RAVER2: variants seen among roughly 807,000 people sequenced by gnomAD.
RAVER2 encodes ribonucleoprotein, PTB binding 2.
In RAVER2, 46 loss-of-function variants were observed where a neutral mutation model predicts 78.1. That is an observed-to-expected ratio of 0.59 (90% CI 0.46 to 0.75). RAVER2 has a LOEUF of 0.75. RAVER2 is among the 30% of genes least tolerant of loss of function. The pLI is 0.00. For synonymous variants in RAVER2, 311 were observed against 313.3 expected (o/e 0.99, Z 0.08); for missense variants, 793 against 837.5 (o/e 0.95, Z 0.66).
At chr1:64,798,374 C>T (rs1415517013) in intron 5 of RAVER2, among the ~76,000 whole-genome samples, 1 of 142,774 alleles carries the variant, frequency 7.0e-6, no homozygotes, top group Non-Finnish European at 1.5e-5. Context: ...AATAATGCCG[C>T]AATAAACATA....
At chr1:64,764,962 TAA>T (rs756684871) in intron 1 of RAVER2, among the ~76,000 whole-genome samples, 39 of 152,240 alleles carry the variant, frequency 2.6e-4, no homozygotes, top group Non-Finnish European at 4.6e-4. Flanking sequence ...AGTGTTTGAT[TAA>T]ATAACTGGAC....
intron 9 of RAVER2, among the ~76,000 whole-genome samples, chr1:64,810,110 G>C (rs1653563297): frequency 6.6e-6 from 1 of 152,114 alleles, no homozygotes; most frequent in Non-Finnish European, 1.5e-5. Context: ...GGAATTGCTG[G>C]ATCATACCAT....
chr1:64,750,190 CATA>C (rs1651658376), intron 1 of RAVER2, among the ~76,000 whole-genome samples: 1 of 152,094 alleles, frequency 6.6e-6, no homozygotes, highest in African/African-American at 2.4e-5. Context: ...CATTTGAAAC[CATA>C]ATATTACCAA....
At chr1:64,759,341 TC>T (rs1651947825) in intron 1 of RAVER2, among the ~76,000 whole-genome samples, 1 of 151,408 alleles carries the variant, frequency 6.6e-6, no homozygotes, top group South Asian at 2.1e-4. Flanking sequence ...TGCCTCAGCC[TC>T]TGGAGTAGCT....
intron 2 of RAVER2, among the ~76,000 whole-genome samples, chr1:64,775,365 T>C (rs1652431985): frequency 6.6e-6 from 1 of 152,186 alleles, no homozygotes; most frequent in South Asian, 2.1e-4. Flanking sequence ...TGTAACTCTT[T>C]GTTAAATGTC....
intron 11 of RAVER2, among the ~76,000 whole-genome samples, chr1:64,826,834 T>C (rs1654014243): frequency 6.6e-6 from 1 of 152,100 alleles, no homozygotes; most frequent in Non-Finnish European, 1.5e-5. Context: ...GTGGCTGGAC[T>C]GGAGACATTT....
chr1:64,809,115 C>T (rs2100880939), intron 9 of RAVER2, among the ~76,000 whole-genome samples: 1 of 152,230 alleles, frequency 6.6e-6, no homozygotes, highest in East Asian at 1.9e-4. Context: ...GTGTGTACCT[C>T]CAGTGGGCAG....
At chr1:64,817,276 T>A (rs933783042) in intron 11 of RAVER2, among the ~76,000 whole-genome samples, 2 of 152,108 alleles carry the variant, frequency 1.3e-5, no homozygotes, top group Non-Finnish European at 2.9e-5. Context: ...GAGGATGTGG[T>A]GAAATAGGAA....
intron 8 of RAVER2, among the ~76,000 whole-genome samples, chr1:64,806,944 G>C (rs1653432239): frequency 6.6e-6 from 1 of 151,942 alleles, no homozygotes. Context: ...ATTATATATA[G>C]AATTTAAAAA....
At chr1:64,816,003 T>A (rs563436356) in intron 11 of RAVER2, 5 of 152,196 alleles carry the variant, frequency 3.3e-5, no homozygotes, top group Non-Finnish European at 7.4e-5. Flanking sequence ...AAGACATTAA[T>A]TGTAAAATTT....
At chr1:64,788,739 T>C (rs1472894498) in intron 4 of RAVER2, among the ~76,000 whole-genome samples, 1 of 133,110 alleles carries the variant, frequency 7.5e-6, no homozygotes, top group Non-Finnish European at 1.6e-5. Flanking sequence ...TTGCAGTGAG[T>C]CGAGATCACG....
intron 11 of RAVER2, 100 bp from the exon 12 acceptor site, chr1:64,830,739 A>G (rs1381065362): frequency 1.3e-5 from 15 of 1,118,298 alleles, no homozygotes; most frequent in East Asian, 7.3e-5. Context: ...CTGTTATTCT[A>G]TATTCACCAA....
chr1:64,755,724 GTTTTTTTTTTTTTTTTTT>G (rs753375050), intron 1 of RAVER2, among the ~76,000 whole-genome samples: 9 of 60,662 alleles, frequency 1.5e-4, no homozygotes, highest in African/African-American at 6.5e-4. Flanking sequence ...ATGCTTCATA[GTTTTTTTTTTTTTTTTTT>G]TTTTTTTTTT....
chr1:64,811,661 T>G (rs1028844933), intron 9 of RAVER2, among the ~76,000 whole-genome samples: 5 of 152,354 alleles, frequency 3.3e-5, no homozygotes, highest in African/African-American at 1.2e-4. Flanking sequence ...TTTCTCCACT[T>G]TATTGTAAAA....
At chr1:64,777,912 G>A (rs373653293) in exon 3 of RAVER2, 2 of 1,614,112 alleles carry the variant, frequency 1.2e-6, no homozygotes, top group Non-Finnish European at 1.7e-6. Flanking sequence ...CTAGACTGGA[G>A]CTATTGGGTA....
exon 3 of RAVER2, chr1:64,778,048 C>A: frequency 4.3e-6 from 7 of 1,613,606 alleles, no homozygotes; most frequent in Non-Finnish European, 5.9e-6. Context: ...TTCAGAAGAG[C>A]TGTTGCAAAT....
intron 5 of RAVER2, among the ~76,000 whole-genome samples, chr1:64,798,479 GA>G (rs757697162): frequency 2.2e-4 from 33 of 151,224 alleles, no homozygotes; most frequent in Non-Finnish European, 4.4e-4. Context: ...TCTAGTTCTA[GA>G]TCCCTGAGGA....
At chr1:64,828,361 C>T (rs1267366756) in intron 11 of RAVER2, among the ~76,000 whole-genome samples, 1 of 152,044 alleles carries the variant, frequency 6.6e-6, no homozygotes, top group African/African-American at 2.4e-5. Flanking sequence ...GCCCAGTGCC[C>T]GCAATAGACC....
chr1:64,773,401 T>C (rs1161619629), intron 2 of RAVER2, among the ~76,000 whole-genome samples: 1 of 152,096 alleles, frequency 6.6e-6, no homozygotes, highest in Admixed American at 6.6e-5. Flanking sequence ...GTTCTCATTG[T>C]TCAGCTCCCA....
Sources: gnomAD v4.1 joint callset for allele counts (sites outside exome capture counted in the v4.1 genomes callset) on GRCh38, gnomAD v4.1.1 for gene constraint, MANE v1.5 for transcripts, NCBI Gene and HGNC (gene_info 2026-07-23, HGNC 2026-07-21) for gene names.